MYO15A: variants seen among roughly 807,000 people sequenced by gnomAD.
MYO15A encodes unconventional myosin-XV.
In MYO15A, 308 loss-of-function variants were observed where a neutral mutation model predicts 394.6. The observed-to-expected ratio is 0.78, with a 90% confidence interval of 0.71 to 0.86. The LOEUF (loss-of-function observed/expected upper bound fraction) is 0.86, where lower values mean the gene tolerates loss of function less well. Among genes scored for constraint, MYO15A ranks in the 40% least tolerant of loss-of-function variants. MYO15A has a pLI of 0.00. For missense variants in MYO15A, 4,606 were observed against 4,799.1 expected (o/e 0.96, Z 1.19); for synonymous variants, 1,957 against 2,003.8 (o/e 0.98, Z 0.62).
chr17:18,135,265 G>A (rs1260185864), intron 12 of MYO15A, among the ~76,000 whole-genome samples: 1 of 152,188 alleles, frequency 6.6e-6, no homozygotes, highest in African/African-American at 2.4e-5. Context: ...CCGCCTCCTG[G>A]GTTCAAACGA....
rs749716198 is a variant in MYO15A at position 18,124,497 on chromosome 17, C to T, written c.3624C>T (p.Arg1208=). 6.2e-7 allele frequency: 1 copy of T among 1,612,524 alleles called. No homozygotes were observed. Among genetic ancestry groups the T allele is most frequent in the Admixed American group, 1.7e-5 (1 of 60,018 alleles). The part of the protein sequence containing the change: ...PSWRNKMHSI[R]NLPSMRFREQ... ...CTCTCACACAGATGCACTCCATCCG[C>T]AACCTGCCATCCATGCGGTTCCGTG... Residue 1208 remains arginine (R), a synonymous_variant, in exon 3 of 66, where the codon CGC becomes CGT. Transcript: ENST00000647165.
intron 60 of MYO15A, chr17:18,164,201 CCTT>C (rs2046817097): frequency 3.0e-6 from 1 of 337,862 alleles, no homozygotes. Flanking sequence ...TAGGTGCAAG[CCTT>C]CTTTCCTGCC....
At position 18,119,318 on chromosome 17, in the gene MYO15A, C is replaced by T. The variant is rs1313503575; in HGVS notation, c.518C>T (p.Pro173Leu). The change falls in exon 2 of 66, where the codon CCC becomes CTC. Residue 173 changes from proline (P) to leucine (L), a missense_variant. This residue lies in a region of MYO15A where 1,830 missense variants were observed against 1,689.7 expected (regional missense o/e 1.08). Coordinates refer to ENST00000647165, the MANE Select transcript of MYO15A (RefSeq NM_016239.4). ...SSSRMGSRKLPFPSGAEILRP... is the reference protein window; with the variant it reads ...SSSRMGSRKLLFPSGAEILRP... ...TCCCGCATGGGCTCCCGCAAACTCC[C>T]CTTCCCGTCGGGTGCCGAGATCCTG... The T allele has an allele frequency of 6.2e-7, 1 of 1,610,462 alleles. No individual in the cohort carries two copies. Among genetic ancestry groups the T allele is most frequent in the South Asian group, 1.1e-5 (1 of 91,054 alleles).
chr17:18,149,827 T>A lies in MYO15A; in HGVS notation c.7212+247T>A. 7 of 566,952 alleles carry A rather than the reference T, an allele frequency of 1.2e-5. No individual in the cohort carries two copies. In the South Asian group the frequency reaches 1.3e-4, roughly 11 times the overall value. 35.1% of individuals were successfully genotyped at this position (566,952 alleles called of 1,614,324 possible). A position where few individuals can be genotyped will look rare whatever the true frequency, so the allele number is the denominator to read the frequency against. On this transcript the variant is annotated intron_variant, in intron 35 of 65. Coordinates refer to ENST00000647165, the MANE Select transcript of MYO15A (RefSeq NM_016239.4). ...CTCTAGCAAGGTGTGGTGGCATGCC[T>A]CTGTAGTCCCAACTACTTAGGAGGC...
At position 18,148,924 on chromosome 17, in the gene MYO15A, C is replaced by T. The variant is rs1437651904; in HGVS notation, c.6928C>T (p.Pro2310Ser). ...KSYFIVGTEG[P>S]AASRGGPKVV... is the part of the protein sequence containing the mutation. ...CTACTTCATTGTGGGCACAGAGGGG[C>T]CTGCAGCCAGCAGGGGAGGCCCCAA... is the stretch of plus-strand genomic sequence containing the variant. Residue 2310 changes from proline (P) to serine (S), a missense_variant, in exon 33 of 66, where the codon CCT becomes TCT. Around this residue, in one of 2 missense-constraint regions of MYO15A, gnomAD observed 2,776 missense variants for 3,109.3 expected, o/e 0.89. Transcript: ENST00000647165. The surrounding 1 kb of genome is among the most constrained non-coding windows in gnomAD (Gnocchi z 4.8). 1.9e-6 allele frequency: 3 copies of T among 1,603,808 alleles called. No individual in the cohort carries two copies. In the African/African-American group the frequency reaches 4.0e-5, roughly 21 times the overall value.
At position 18,109,070 on chromosome 17, in the gene MYO15A, ACTGT is replaced by A. The variant is rs560359798; in HGVS notation, c.-220+248_-220+251del. On this transcript the variant is annotated intron_variant, in intron 1 of 65. Transcript: ENST00000647165. ...GTGGCTTACCTCGGCCCCTCTCCTG[ACTGT>A]CCTGATGCCTGGCCATGAGGCCCTA... 1.8e-4 allele frequency: 27 copies of A among 152,392 alleles called. No individual in the cohort carries two copies. The East Asian group carries it at 5.2e-3, about 29-fold the overall frequency. 9.4% of individuals were successfully genotyped at this position (152,392 alleles called of 1,614,324 possible).
At position 18,126,368 on chromosome 17, in the gene MYO15A, G is replaced by T. The variant is rs1211871893; in HGVS notation, c.3778G>T (p.Val1260Leu). 1 of 1,613,908 alleles carries T rather than the reference G, an allele frequency of 6.2e-7. No homozygotes were observed. Among genetic ancestry groups the T allele is most frequent in the African/African-American group, 1.3e-5 (1 of 74,916 alleles). Residue 1260 changes from valine to leucine, a missense_variant, in exon 5 of 66, where the codon GTG becomes TTG. Val to Leu is a conservative substitution (Grantham distance 32). This residue lies in a region of MYO15A where 2,776 missense variants were observed against 3,109.3 expected (regional missense o/e 0.89). Transcript: ENST00000647165. Reference protein sequence around the residue: ...LIYTYIGSILVSVNPYQMFGI... With the variant: ...LIYTYIGSILLSVNPYQMFGI... ...GCAGACATACATTGGGAGCATCCTG[G>T]TGTCGGTGAACCCATACCAAATGTT... is the stretch of plus-strand genomic sequence containing the variant.
chr17:18,158,532 G>T lies in MYO15A; in HGVS notation c.8977G>T (p.Val2993Phe), dbSNP rs1567658632. 6 of 1,614,114 alleles carry T rather than the reference G, an allele frequency of 3.7e-6. No individual in the cohort carries two copies. Among genetic ancestry groups the T allele is most frequent in the Non-Finnish European group, 5.1e-6 (6 of 1,179,986 alleles). Residue 2993 changes from valine (V) to phenylalanine (F), a missense_variant, in exon 52 of 66, where the codon GTC (valine) becomes TTC (phenylalanine). By Grantham distance (50) the Val-to-Phe change is conservative. This residue lies in a region of MYO15A where 2,776 missense variants were observed against 3,109.3 expected (regional missense o/e 0.89). Transcript: ENST00000647165. ...TCCGCCTCTTCTGCAGGGTCCCCCA[G>T]TCAGGGCCCGCTCTGCTGACCATGG... ...EVGRRREGPP[V>F]RARSADHGED...
In MYO15A at chr17:18,118,921, C is replaced by G. The variant is rs200234990; in HGVS notation, c.121C>G (p.Arg41Gly). ...KGTSRLFMGFRDRTPKISKKG... is the reference protein window; with the variant it reads ...KGTSRLFMGFGDRTPKISKKG... The stretch of plus-strand genomic sequence containing the variant: ...GACGTCGCGGCTGTTCATGGGCTTC[C>G]GCGACCGTACACCCAAGATCTCCAA... The change falls in exon 2 of 66, where the codon CGC (arginine) becomes GGC (glycine). Residue 41 changes from arginine (R) to glycine (G), a missense_variant. Physicochemically the swap from Arg to Gly is moderately radical, Grantham distance 125. Around this residue, in one of 2 missense-constraint regions of MYO15A, gnomAD observed 1,830 missense variants for 1,689.7 expected, o/e 1.08. Coordinates refer to ENST00000647165, the MANE Select transcript of MYO15A (RefSeq NM_016239.4). 1.2e-6 allele frequency: 2 copies of G among 1,613,752 alleles called. No individual in the cohort carries two copies. The highest frequency in any genetic ancestry group is 1.7e-6 in the Non-Finnish European group (2 of 1,180,018).
Position 18,120,013 on chromosome 17 carries a change from T to A in MYO15A, c.1213T>A (p.Ser405Thr). Residue 405 changes from serine to threonine, a missense_variant, in exon 2 of 66, where the codon TCG (serine) becomes ACG (threonine). By Grantham distance (58) the Ser-to-Thr change is moderately conservative (BLOSUM62 1). This residue lies in a region of MYO15A where 1,830 missense variants were observed against 1,689.7 expected (regional missense o/e 1.08). Transcript: ENST00000647165. ...PEVPYFYPEE[S>T]ASAFVYPWVP... ...GGTGCCCTATTTTTACCCGGAGGAGTCGGCTTCGGCCTTTGTGTACCCCTG... is the reference window on the plus strand; with the variant it reads ...GGTGCCCTATTTTTACCCGGAGGAGACGGCTTCGGCCTTTGTGTACCCCTG... 6.2e-7 allele frequency: 1 copy of A among 1,612,550 alleles called. No homozygotes were observed. Among genetic ancestry groups the A allele is most frequent in the Non-Finnish European group, 8.5e-7 (1 of 1,179,642 alleles).
rs754913405 is a variant in MYO15A, at chr17:18,163,235, C to G, written c.9613-9C>G. 1.9e-6 allele frequency: 3 copies of G among 1,614,046 alleles called. No individual in the cohort carries two copies. Among genetic ancestry groups the G allele is most frequent in the Non-Finnish European group, 2.5e-6 (3 of 1,179,878 alleles). On this transcript the variant is annotated splice_polypyrimidine_tract_variant and intron_variant, in intron 58 of 65. Transcript: ENST00000647165. The stretch of plus-strand genomic sequence containing the variant: ...AACCTGTCATCCCTCTCCCACCTAT[C>G]TACCCCAGGCAGGCCGCAGTTCCAA...
intron 54 of MYO15A, 80 bp downstream of exon 54, chr17:18,159,427 C>T: frequency 1.3e-6 from 2 of 1,543,110 alleles, no homozygotes; most frequent in Non-Finnish European, 1.8e-6. Flanking sequence ...TGCCACTCCT[C>T]CCTGATCTTC....
rs1874929939 is a variant in MYO15A, at chr17:18,154,134, T to A, written c.8092T>A (p.Phe2698Ile). Residue 2698 changes from phenylalanine to isoleucine, a missense_variant, in exon 44 of 66, where the codon TTT becomes ATT. Phe to Ile is a conservative substitution (Grantham distance 21, BLOSUM62 0). Coordinates refer to ENST00000647165, the MANE Select transcript of MYO15A (RefSeq NM_016239.4). ...PWKIFLRKEV[F>I]YPKDSYSHPV... ...CACTGAAGCCCCGCCCCTGCAGGTG[T>A]TTTACCCCAAGGACAGCTACAGCCA... The A allele has an allele frequency of 1.2e-6, 2 of 1,613,872 alleles. No individual in the cohort carries two copies. The highest frequency in any genetic ancestry group is 2.7e-5 in the African/African-American group (2 of 74,934).
Position 18,150,911 on chromosome 17 carries a change from G to T in MYO15A, c.7471G>T (p.Glu2491Ter). Residue 2491 changes from glutamate (E) to a stop codon, truncating the protein, a stop_gained and splice_region_variant, in exon 38 of 66, where the codon GAG becomes TAG. Transcript: ENST00000647165. LOFTEE classifies it high-confidence loss of function. This position sits in a 1 kb window ranked among gnomAD's most constrained non-coding sequence, Gnocchi z 4.4. ...TGCTGCCCTGAGATCCTTGCCCGCAGAGGTGAGCCTGGCCTGCCCAGGGTG... is the reference window on the plus strand; with the variant it reads ...TGCTGCCCTGAGATCCTTGCCCGCATAGGTGAGCCTGGCCTGCCCAGGGTG... ...LSAALRSLPA[E>*]KPPAPEAQPT... The T allele has an allele frequency of 6.2e-7, 1 of 1,603,208 alleles. No individual in the cohort carries two copies. The highest frequency in any genetic ancestry group is 1.3e-5 in the African/African-American group (1 of 74,768).
chr17:18,153,737 G>A lies in MYO15A; in HGVS notation c.7967-38G>A, dbSNP rs1293739684. ...TATATTAATTAAATAAAAAAACGAG[G>A]TGCCTTCTCCTGACTCCCTGATCCC... On this transcript the variant is annotated intron_variant, in intron 42 of 65. Transcript: ENST00000647165. This position sits in a 1 kb window ranked among gnomAD's most constrained non-coding sequence, Gnocchi z 4.1. 1.2e-6 allele frequency: 2 copies of A among 1,602,674 alleles called. No homozygotes were observed. Among genetic ancestry groups the A allele is most frequent in the South Asian group, 2.2e-5 (2 of 89,450 alleles).
chr17:18,153,736 G>A lies in MYO15A; in HGVS notation c.7967-39G>A, dbSNP rs999484989. 2 of 1,602,138 alleles carry A rather than the reference G, an allele frequency of 1.2e-6. No homozygotes were observed. Among genetic ancestry groups the A allele is most frequent in the African/African-American group, 2.7e-5 (2 of 74,040 alleles). On this transcript the variant is annotated intron_variant, in intron 42 of 65. Coordinates refer to ENST00000647165, the MANE Select transcript of MYO15A (RefSeq NM_016239.4). This position sits in a 1 kb window ranked among gnomAD's most constrained non-coding sequence, Gnocchi z 4.1. ...ATATATTAATTAAATAAAAAAACGA[G>A]GTGCCTTCTCCTGACTCCCTGATCC... is the stretch of plus-strand genomic sequence containing the variant.
chr17:18,126,873 G>A lies in MYO15A; in HGVS notation c.3941+8G>A. 6.2e-7 allele frequency: 1 copy of A among 1,614,040 alleles called. No homozygotes were observed. The highest frequency in any genetic ancestry group is 8.5e-7 in the Non-Finnish European group (1 of 1,180,008). On this transcript the variant is annotated splice_region_variant and intron_variant, in intron 6 of 65. Transcript: ENST00000647165. ...CCAGTGCATAATCATTAGGTGAGTG[G>A]GCTGCCTTTATGTGGGGGATAAATG...
At chr17:18,125,864 G>A (rs927627891) in intron 4 of MYO15A, among the ~76,000 whole-genome samples, 2 of 152,234 alleles carry the variant, frequency 1.3e-5, no homozygotes, top group Middle Eastern at 6.8e-3. Context: ...CCCCAGAGTG[G>A]GGATGGCCAG....
At position 18,120,421 on chromosome 17, in the gene MYO15A, A is replaced by C; in HGVS notation, c.1621A>C (p.Asn541His). Residue 541 changes from asparagine to histidine, a missense_variant, in exon 2 of 66, where the codon AAC becomes CAC. This residue lies in a region of MYO15A where 1,830 missense variants were observed against 1,689.7 expected (regional missense o/e 1.08). Transcript: ENST00000647165. ...FWGFLTPRQRNLQRALSAFGA... is the reference protein window; with the variant it reads ...FWGFLTPRQRHLQRALSAFGA... ...GGGCTTCCTCACGCCGCGCCAGCGC[A>C]ACCTCCAGCGCGCGCTGTCGGCCTT... 6.2e-7 allele frequency: 1 copy of C among 1,600,314 alleles called. No individual in the cohort carries two copies. Among genetic ancestry groups the C allele is most frequent in the Non-Finnish European group, 8.5e-7 (1 of 1,175,082 alleles).
Sources: gnomAD v4.1 joint callset for allele counts (sites outside exome capture counted in the v4.1 genomes callset) on GRCh38, gnomAD v4.1.1 for gene constraint, gnomAD v4.1.1 regional missense constraint, Gnocchi (gnomAD v3.1) non-coding constraint, MANE v1.5 for transcripts, NCBI Gene and HGNC (gene_info 2026-07-23, HGNC 2026-07-21) for gene names.